The following WDR17 variants were observed in gnomAD, a reference collection of about 807,000 sequenced individuals.
WDR17 encodes WD repeat domain 17.
WDR17 carries 143 observed loss-of-function variants against 161.7 expected under a neutral mutation model. That is an observed-to-expected ratio of 0.88 (90% CI 0.77 to 1.02). The LOEUF is 1.02. Ranked by LOEUF, WDR17 falls within the 50% of genes least tolerant of loss-of-function variation. WDR17 has a pLI of 0.00. For synonymous variants in WDR17, 517 were observed against 515.6 expected, an observed-to-expected ratio of 1.00 and a Z score of -0.04; for missense variants, 1,469 against 1,520.9, an observed-to-expected ratio of 0.97 and a Z score of 0.57.
chr4:176,152,294 C>CAAAAAAAAAAAAGAAAAAA (rs1747274569), intron 17 of WDR17, among the ~76,000 whole-genome samples: 1 of 72,164 alleles, frequency 1.4e-5, no homozygotes, highest in Non-Finnish European at 2.8e-5. Context: ...GACCCTATCT[C>CAAAAAAAAAAAAGAAAAAA]AAAAAAAAAA....
At chr4:176,072,695 A>G (rs969693657) in intron 1 of WDR17, among the ~76,000 whole-genome samples, 3 of 152,196 alleles carry the variant, frequency 2.0e-5, no homozygotes, top group Admixed American at 2.0e-4. Flanking sequence ...ATATGAGAAG[A>G]CATATTTTTT....
In WDR17 at chr4:176,148,261, A is replaced by C; in HGVS notation, c.1823A>C (p.Tyr608Ser). Residue 608 changes from tyrosine to serine, a missense_variant, in exon 13 of 29, where the codon TAT becomes TCT. By Grantham distance (144) the Tyr-to-Ser change is moderately radical. Transcript: ENST00000508596. ...PYLLISGSWDYTIKVWDTREG... is the reference protein window; with the variant it reads ...PYLLISGSWDSTIKVWDTREG... ...CTGCTCATATCTGGCAGCTGGGACT[A>C]TACTATAAAAGTATGGGACACTCGA... The C allele has an allele frequency of 6.2e-7, 1 of 1,613,816 alleles. No homozygotes were observed. Among genetic ancestry groups the C allele is most frequent in the Non-Finnish European group, 8.5e-7 (1 of 1,179,816 alleles).
Position 176,180,860 on chromosome 4 carries a change from GATA to G in WDR17, c.*1284_*1286del, listed in dbSNP as rs1471336096. ...AAAAGTGTGAAGCTATGAAAAGCCT[GATA>G]ATGTGACTACAGATATTTCAGTTGG... On this transcript the variant is annotated 3_prime_UTR_variant, in exon 29 of 29. Coordinates refer to ENST00000508596, the MANE Select transcript of WDR17 (RefSeq NM_181265.4). The G allele has an allele frequency of 1.3e-5, 2 of 152,188 alleles. No individual in the cohort carries two copies. The highest frequency in any genetic ancestry group is 3.8e-4 in the East Asian group (2 of 5,202). The allele number at this position is 152,188 out of a possible 1,614,324, so 9.4% of individuals were successfully genotyped here.
At chr4:176,162,222 T>C in intron 21 of WDR17, 48 bp downstream of exon 21, 3 of 1,543,866 alleles carry the variant, frequency 1.9e-6, no homozygotes, top group South Asian at 1.2e-5. Flanking sequence ...TTTTTAGATA[T>C]GTCATGGTGT....
intron 13 of WDR17, among the ~76,000 whole-genome samples, chr4:176,148,547 T>G (rs953727094): frequency 2.0e-5 from 3 of 152,248 alleles, no homozygotes; most frequent in African/African-American, 7.2e-5. Context: ...TGACTATTGT[T>G]AGCACTGTGT....
intron 8 of WDR17, 33 bp downstream of exon 8, chr4:176,135,309 A>G (rs1425336308): frequency 1.9e-6 from 3 of 1,605,272 alleles, no homozygotes; most frequent in African/African-American, 2.7e-5. Flanking sequence ...TAGGAATACA[A>G]TGAAATGGCT....
At position 176,168,732 on chromosome 4, in the gene WDR17, C is replaced by T; in HGVS notation, c.3051C>T (p.Leu1017=). Reference sequence around the variant, plus strand: ...ATAATGAACTACATTTAATAAAACTCTGTGCTTTCTACCCAGGATGTACTG... The same window carrying T: ...ATAATGAACTACATTTAATAAAACTTTGTGCTTTCTACCCAGGATGTACTG... ...IPDNELHLIK[L]CAFYPGCTEE... Residue 1017 remains leucine (L), a synonymous_variant, in exon 23 of 29, where the codon CTC becomes CTT. Transcript: ENST00000508596. 1.5e-5 allele frequency: 24 copies of T among 1,613,366 alleles called. No individual in the cohort carries two copies. The highest frequency in any genetic ancestry group is 2.0e-5 in the Non-Finnish European group (24 of 1,179,682).
chr4:176,166,475 G>A (rs1749788895), intron 22 of WDR17, among the ~76,000 whole-genome samples: 2 of 151,964 alleles, frequency 1.3e-5, no homozygotes, highest in Non-Finnish European at 2.9e-5. Flanking sequence ...CATTCAATTG[G>A]TCTATATCAT....
At chr4:176,116,754 C>T (rs1740712059) in intron 3 of WDR17, among the ~76,000 whole-genome samples, 1 of 151,664 alleles carries the variant, frequency 6.6e-6, no homozygotes, top group Admixed American at 6.6e-5. Context: ...TAGTCTAAGG[C>T]AAAAATACTG....
chr4:176,091,353 A>T (rs1561083537), intron 1 of WDR17, among the ~76,000 whole-genome samples: 1 of 152,196 alleles, frequency 6.6e-6, no homozygotes, highest in Non-Finnish European at 1.5e-5. Context: ...AACTTTGGAA[A>T]CTATACAAAC....
At chr4:176,100,565 T>A (rs977284888) in intron 1 of WDR17, among the ~76,000 whole-genome samples, 2 of 152,044 alleles carry the variant, frequency 1.3e-5, no homozygotes, top group African/African-American at 4.8e-5. Flanking sequence ...ATTTCTTTGG[T>A]TGTGCAGGAG....
intron 1 of WDR17, among the ~76,000 whole-genome samples, chr4:176,082,666 T>C (rs1734898390): frequency 6.6e-6 from 1 of 152,162 alleles, no homozygotes. Flanking sequence ...ATGCCTTTTC[T>C]CTTAATGCAA....
chr4:176,134,803 A>G (rs1207170199), intron 7 of WDR17, among the ~76,000 whole-genome samples: 1 of 151,706 alleles, frequency 6.6e-6, no homozygotes, highest in Non-Finnish European at 1.5e-5. Flanking sequence ...TAATAAAAAT[A>G]GAAAATATCT....
intron 2 of WDR17, among the ~76,000 whole-genome samples, chr4:176,112,223 T>TA (rs1157221260): frequency 9.2e-5 from 14 of 152,178 alleles, no homozygotes; most frequent in Non-Finnish European, 2.1e-4. Flanking sequence ...ATGTGATAGT[T>TA]ATCTTTGACT....
chr4:176,074,340 T>C (rs1344799489), intron 1 of WDR17, among the ~76,000 whole-genome samples: 1 of 147,930 alleles, frequency 6.8e-6, no homozygotes, highest in Non-Finnish European at 1.5e-5. Context: ...ATTATTTTTA[T>C]TTTTCTCTAT....
intron 7 of WDR17, among the ~76,000 whole-genome samples, chr4:176,133,190 T>A (rs563835364): frequency 4.7e-4 from 68 of 146,066 alleles, no homozygotes; most frequent in South Asian, 6.4e-4. Flanking sequence ...TTTTATTTTT[T>A]TTTTTTTACC....
chr4:176,154,815 T>C (rs561721140), intron 17 of WDR17, among the ~76,000 whole-genome samples: 1 of 152,300 alleles, frequency 6.6e-6, no homozygotes, highest in South Asian at 2.1e-4. Context: ...TTGAAAACCC[T>C]TAATTAAAAT....
At chr4:176,075,396 A>T (rs1578983379) in intron 1 of WDR17, among the ~76,000 whole-genome samples, 1 of 152,224 alleles carries the variant, frequency 6.6e-6, no homozygotes. Context: ...AAGCTCTAGT[A>T]CCTAGGAAAA....
intron 23 of WDR17, among the ~76,000 whole-genome samples, chr4:176,171,644 C>A (rs755412580): frequency 1.3e-5 from 2 of 152,104 alleles, no homozygotes; most frequent in Non-Finnish European, 2.9e-5. Context: ...CAAACTTGAA[C>A]GTTTAAGCTT....
Sources: gnomAD v4.1 joint callset for allele counts (sites outside exome capture counted in the v4.1 genomes callset) on GRCh38, gnomAD v4.1.1 for gene constraint, MANE v1.5 for transcripts, NCBI Gene and HGNC (gene_info 2026-07-23, HGNC 2026-07-21) for gene names.